EEPD1: variants seen among roughly 807,000 people sequenced by gnomAD.
The protein encoded by EEPD1 is endonuclease/exonuclease/phosphatase family domain-containing protein 1.
Under a neutral mutation model 46.3 loss-of-function variants are expected in EEPD1, and 17 were observed. That is an observed-to-expected ratio of 0.37 (90% CI 0.25 to 0.55). EEPD1 has a LOEUF of 0.55. EEPD1 is among the 20% of genes least tolerant of loss of function. The pLI is 0.83. For missense variants in EEPD1, 673 were observed against 745.6 expected (o/e 0.90, Z 1.13); for synonymous variants, 313 against 315.6 (o/e 0.99, Z 0.09).
At chr7:36,169,886 A>G (rs569901632) in intron 2 of EEPD1, among the ~76,000 whole-genome samples, 1 of 152,306 alleles carries the variant, frequency 6.6e-6, no homozygotes, top group South Asian at 2.1e-4. Flanking sequence ...TGCATTTTTG[A>G]TGGAAGTTTA....
At position 36,250,673 on chromosome 7, in the gene EEPD1, C is replaced by T. The variant is rs527393059; in HGVS notation, c.930+11637C>T. ...TATAGAGTTAGAGTTTGCCAGCTCT[C>T]GTTCTAGATCAGTGGTGCTTGGCTA... is the stretch of plus-strand genomic sequence containing the variant. On this transcript the variant is annotated intron_variant, in intron 3 of 7. Transcript: ENST00000242108. Among the ~76,000 whole-genome samples the T allele has an allele frequency of 3.9e-5, 6 of 152,288 alleles. No homozygotes were observed. In the East Asian group the frequency reaches 9.6e-4, roughly 24 times the overall value.
chr7:36,248,611 C>T (rs1009988490), intron 3 of EEPD1, among the ~76,000 whole-genome samples: 11 of 151,678 alleles, frequency 7.3e-5, no homozygotes, highest in Non-Finnish European at 1.5e-4. Flanking sequence ...CCCACCCCCG[C>T]CACACTTAGC....
chr7:36,247,589 C>T (rs1786660891), intron 3 of EEPD1, among the ~76,000 whole-genome samples: 1 of 152,178 alleles, frequency 6.6e-6, no homozygotes, highest in African/African-American at 2.4e-5. Flanking sequence ...CCATCTAATC[C>T]AACCCTGTCA....
At chr7:36,161,897 C>CAAAAA (rs10570788) in intron 2 of EEPD1, among the ~76,000 whole-genome samples, 1 of 127,104 alleles carries the variant, frequency 7.9e-6, no homozygotes, top group African/African-American at 2.8e-5. Flanking sequence ...CTGTCTCTCT[C>CAAAAA]AAAAAAAAAA....
chr7:36,184,831 A>G (rs575822216), intron 2 of EEPD1, among the ~76,000 whole-genome samples: 2 of 152,058 alleles, frequency 1.3e-5, no homozygotes, highest in African/African-American at 4.8e-5. Flanking sequence ...CCTGGGTTCA[A>G]GCAATTCTCC....
chr7:36,237,433 GCC>G (rs902398465), intron 2 of EEPD1, among the ~76,000 whole-genome samples: 1 of 152,094 alleles, frequency 6.6e-6, no homozygotes, highest in Non-Finnish European at 1.5e-5. Context: ...CACTGCGTTG[GCC>G]CTCTAGAACT....
intron 2 of EEPD1, among the ~76,000 whole-genome samples, chr7:36,155,481 T>C (rs1040940191): frequency 2.6e-5 from 4 of 152,160 alleles, no homozygotes; most frequent in African/African-American, 4.8e-5. Context: ...TTTTTGTTAC[T>C]GCTTTGGAGG....
chr7:36,153,395 C>G lies in EEPD1; in HGVS notation c.-472C>G, dbSNP rs1310048141. On this transcript the variant is annotated 5_prime_UTR_variant, in exon 1 of 8. Transcript: ENST00000242108. ...AACTGCGGCGGCGCCGCCGCAAGCC[C>G]CGGTGCAGCCTCGGCGGCGGGTTTC... The G allele has an allele frequency of 6.6e-6, 1 of 152,284 alleles. No individual in the cohort carries two copies. The highest frequency in any genetic ancestry group is 1.9e-4 in the East Asian group (1 of 5,184). 9.4% of individuals were successfully genotyped at this position (152,284 alleles called of 1,614,324 possible).
At chr7:36,246,784 C>T (rs1786647087) in intron 3 of EEPD1, among the ~76,000 whole-genome samples, 1 of 152,080 alleles carries the variant, frequency 6.6e-6, no homozygotes, top group South Asian at 2.1e-4. Flanking sequence ...GAGTGCTTTA[C>T]ATGTGTGACA....
chr7:36,248,741 A>G (rs1292476774), intron 3 of EEPD1, among the ~76,000 whole-genome samples: 1 of 152,030 alleles, frequency 6.6e-6, no homozygotes, highest in Non-Finnish European at 1.5e-5. Flanking sequence ...ACTCATTGTA[A>G]TCACTTTCCT....
chr7:36,191,850 A>G (rs1785466366), intron 2 of EEPD1, among the ~76,000 whole-genome samples: 1 of 152,236 alleles, frequency 6.6e-6, no homozygotes, highest in African/African-American at 2.4e-5. Flanking sequence ...GGGAGCTATC[A>G]TGGACCAGGA....
intron 3 of EEPD1, among the ~76,000 whole-genome samples, chr7:36,264,889 C>T (rs1392091901): frequency 1.4e-5 from 2 of 147,352 alleles, no homozygotes; most frequent in Non-Finnish European, 3.0e-5. Flanking sequence ...GAGCTGCCAC[C>T]TATAGTTCTT....
At chr7:36,232,172 T>TG (rs59720384) in intron 2 of EEPD1, among the ~76,000 whole-genome samples, 25,258 of 140,522 alleles carry the variant, frequency 0.18, 2,455 homozygotes, top group African/African-American at 0.24. Flanking sequence ...TTTATGTTGC[T>TG]GGTTTTTTTT....
chr7:36,299,333 C>A lies in EEPD1; in HGVS notation c.*127C>A. The A allele has an allele frequency of 8.7e-7, 1 of 1,145,074 alleles. No individual in the cohort carries two copies. The highest frequency in any genetic ancestry group is 1.2e-6 in the Non-Finnish European group (1 of 818,176). The allele number at this position is 1,145,074 out of a possible 1,614,324, so 70.9% of individuals were successfully genotyped here. On this transcript the variant is annotated 3_prime_UTR_variant, in exon 8 of 8. Coordinates refer to ENST00000242108, the MANE Select transcript of EEPD1 (RefSeq NM_030636.3). ...ATTCTCAGAGCATCAGCACTTGAGGCCTTGCCCCACGCCTTCTCTGTGGAC... is the reference window on the plus strand; with the variant it reads ...ATTCTCAGAGCATCAGCACTTGAGGACTTGCCCCACGCCTTCTCTGTGGAC...
chr7:36,166,378 A>C (rs976107299), intron 2 of EEPD1, among the ~76,000 whole-genome samples: 4 of 152,222 alleles, frequency 2.6e-5, no homozygotes, highest in Non-Finnish European at 5.9e-5. Flanking sequence ...AAGCATTTGA[A>C]ATTACAAAAT....
At chr7:36,284,955 T>C in intron 5 of EEPD1, 135 bp downstream of exon 5, 1 of 1,252,834 alleles carries the variant, frequency 8.0e-7, no homozygotes, top group Non-Finnish European at 1.0e-6. Flanking sequence ...TGATTGGAGA[T>C]TTTTGTCTCT....
At chr7:36,207,535 G>A (rs572045327) in intron 2 of EEPD1, among the ~76,000 whole-genome samples, 13 of 152,288 alleles carry the variant, frequency 8.5e-5, no homozygotes, top group African/African-American at 3.1e-4. Context: ...GTTTGAGCTG[G>A]TCAGTCCTCA....
rs552485413 is a variant in EEPD1, at chr7:36,161,276, G to A, written c.878+6074G>A. On this transcript the variant is annotated intron_variant, in intron 2 of 7. Coordinates refer to ENST00000242108, the MANE Select transcript of EEPD1 (RefSeq NM_030636.3). ...CCCACTTTGTGGTCGGGGGCTCACC[G>A]TCTCAAGGACATACACATTCAGCAG... 2.6e-5 allele frequency among the ~76,000 whole-genome samples: 4 copies of A among 152,316 alleles called. No homozygotes were observed. The East Asian group carries it at 5.8e-4, about 22-fold the overall frequency.
chr7:36,207,921 AG>A (rs1290390411), intron 2 of EEPD1, among the ~76,000 whole-genome samples: 1 of 141,094 alleles, frequency 7.1e-6, no homozygotes, highest in Non-Finnish European at 1.5e-5. Flanking sequence ...TAACCTAGAC[AG>A]GGAGCCAGTC....
Sources: gnomAD v4.1 joint callset for allele counts (sites outside exome capture counted in the v4.1 genomes callset) on GRCh38, gnomAD v4.1.1 for gene constraint, MANE v1.5 for transcripts, NCBI Gene and HGNC (gene_info 2026-07-23, HGNC 2026-07-21) for gene names.